The following ATP10A variants were observed in gnomAD, a reference collection of about 807,000 sequenced individuals.
ATP10A encodes the protein phospholipid-transporting ATPase VA.
A neutral mutation model predicts 147.8 loss-of-function variants in ATP10A; 111 were observed. The observed-to-expected ratio is 0.75, with a 90% confidence interval of 0.64 to 0.88. The LOEUF is 0.88. Among genes scored for constraint, ATP10A ranks in the 40% least tolerant of loss-of-function variants. ATP10A has a pLI of 0.00. For synonymous variants in ATP10A, 875 were observed against 841.6 expected (o/e 1.04, Z -0.69); for missense variants, 1,927 against 1,959.0 (o/e 0.98, Z 0.31).
intron 1 of ATP10A, among the ~76,000 whole-genome samples, chr15:25,813,178 C>A (rs1891503916): frequency 6.6e-6 from 1 of 152,132 alleles, no homozygotes; most frequent in Admixed American, 6.5e-5. Flanking sequence ...CAGGGAAAGA[C>A]CCAATGGTAA....
At chr15:25,777,087 GCA>G (rs1889645822) in intron 2 of ATP10A, among the ~76,000 whole-genome samples, 3 of 128,254 alleles carry the variant, frequency 2.3e-5, no homozygotes, top group African/African-American at 6.1e-5. Flanking sequence ...GCGTGTGTGT[GCA>G]TACGTGCGTG....
At chr15:25,744,960 G>C (rs12441954) in intron 2 of ATP10A, among the ~76,000 whole-genome samples, 14,002 of 152,212 alleles carry the variant, frequency 0.092, 1,470 homozygotes, top group East Asian at 0.25. Flanking sequence ...CTTTTAAATA[G>C]GGTCTGTGAA....
chr15:25,714,535 G>A (rs1168023286), intron 9 of ATP10A, among the ~76,000 whole-genome samples: 1 of 151,994 alleles, frequency 6.6e-6, no homozygotes, highest in Non-Finnish European at 1.5e-5. Flanking sequence ...CCTTGAGATC[G>A]TCCGCTGGCC....
chr15:25,794,231 G>C (rs1425503287), intron 1 of ATP10A, among the ~76,000 whole-genome samples: 1 of 152,124 alleles, frequency 6.6e-6, no homozygotes. Context: ...GGCTTCTCTT[G>C]CAACAACTTA....
intron 2 of ATP10A, among the ~76,000 whole-genome samples, chr15:25,760,197 G>C (rs892755896): frequency 6.6e-6 from 1 of 152,112 alleles, no homozygotes; most frequent in Non-Finnish European, 1.5e-5. Flanking sequence ...ACTTCTAAAA[G>C]GAACTGTAAA....
intron 3 of ATP10A, among the ~76,000 whole-genome samples, chr15:25,727,924 G>A (rs2140451468): frequency 6.6e-6 from 1 of 152,316 alleles, no homozygotes; most frequent in East Asian, 1.9e-4. Flanking sequence ...GCAGTCTTGG[G>A]CTAGGACCGC....
At position 25,862,774 on chromosome 15, in the gene ATP10A, G is replaced by A. The variant is rs1475638350; in HGVS notation, c.323C>T (p.Pro108Leu). 1 of 1,611,078 alleles carries A rather than the reference G, an allele frequency of 6.2e-7. No individual in the cohort carries two copies. The highest frequency in any genetic ancestry group is 1.7e-5 in the Admixed American group (1 of 59,794). The change falls in exon 1 of 21, where the codon CCC (proline) becomes CTC (leucine). Residue 108 changes from proline (P) to leucine (L), a missense_variant. Physicochemically the swap from Pro to Leu is moderately conservative, Grantham distance 98. Coordinates refer to ENST00000555815, the MANE Select transcript of ATP10A (RefSeq NM_024490.4). ...NFVPAVNAFQ[P>L]GLALAPVLFI... ...GAGCACCGGCGCCAGTGCCAGGCCGGGCTGGAAGGCGTTCACCGCCGGCAC... is the reference window on the plus strand; with the variant it reads ...GAGCACCGGCGCCAGTGCCAGGCCGAGCTGGAAGGCGTTCACCGCCGGCAC...
At chr15:25,730,226 C>T (rs1443701243) in intron 3 of ATP10A, among the ~76,000 whole-genome samples, 3 of 151,340 alleles carry the variant, frequency 2.0e-5, no homozygotes, top group African/African-American at 7.3e-5. Context: ...CACTTGAACC[C>T]AGGAGGTGGA....
intron 2 of ATP10A, 67 bp from the exon 3 acceptor site, chr15:25,736,208 G>A (rs531825282): frequency 1.4e-5 from 19 of 1,345,966 alleles, no homozygotes; most frequent in African/African-American, 1.1e-4. Flanking sequence ...AAAGGCACTC[G>A]CTTTTCTGTC....
intron 2 of ATP10A, among the ~76,000 whole-genome samples, chr15:25,743,402 T>C (rs572261742): frequency 7.9e-5 from 12 of 152,330 alleles, no homozygotes; most frequent in Admixed American, 3.9e-4. Context: ...ACAGAGATGC[T>C]GGACAGAAAA....
chr15:25,820,905 T>C (rs1156827326), intron 1 of ATP10A, among the ~76,000 whole-genome samples: 1 of 152,180 alleles, frequency 6.6e-6, no homozygotes, highest in Non-Finnish European at 1.5e-5. Context: ...AGGGAAAAGG[T>C]TGATATATTG....
chr15:25,796,342 C>T (rs979879466), intron 1 of ATP10A, among the ~76,000 whole-genome samples: 3 of 152,102 alleles, frequency 2.0e-5, no homozygotes, highest in Non-Finnish European at 4.4e-5. Context: ...GAGGTTGAGG[C>T]TGCAGTGAGC....
intron 18 of ATP10A, 37 bp from the exon 19 acceptor site, chr15:25,680,951 G>A (rs778814293): frequency 1.3e-5 from 21 of 1,612,768 alleles, no homozygotes; most frequent in South Asian, 6.6e-5. Context: ...GTAGGTCCCC[G>A]GATCCAGCTG....
At chr15:25,805,987 T>G (rs1189559382) in intron 1 of ATP10A, among the ~76,000 whole-genome samples, 3 of 152,242 alleles carry the variant, frequency 2.0e-5, no homozygotes, top group Non-Finnish European at 4.4e-5. Flanking sequence ...TTTTTAGCAC[T>G]TTTTATTTTC....
intron 1 of ATP10A, among the ~76,000 whole-genome samples, chr15:25,843,561 C>T (rs958284193): frequency 6.6e-6 from 1 of 152,152 alleles, no homozygotes; most frequent in Non-Finnish European, 1.5e-5. Context: ...ACAGCAAAAG[C>T]AGGCACAGAG....
chr15:25,788,566 C>T (rs141872654), intron 1 of ATP10A, among the ~76,000 whole-genome samples: 1 of 152,348 alleles, frequency 6.6e-6, no homozygotes, highest in Non-Finnish European at 1.5e-5. Context: ...TCTTTTTGAG[C>T]ATGGTTTTTC....
chr15:25,843,646 G>C (rs1410591234), intron 1 of ATP10A, among the ~76,000 whole-genome samples: 1 of 152,112 alleles, frequency 6.6e-6, no homozygotes, highest in East Asian at 1.9e-4. Context: ...CATCTACTCA[G>C]AGTTTATCCA....
intron 13 of ATP10A, among the ~76,000 whole-genome samples, chr15:25,697,533 A>G (rs999594140): frequency 1.3e-5 from 2 of 152,248 alleles, no homozygotes; most frequent in Admixed American, 1.3e-4. Context: ...AAAAGTTCCA[A>G]GAAGTAAGAT....
At chr15:25,726,876 C>G (rs1902593260) in intron 4 of ATP10A, among the ~76,000 whole-genome samples, 1 of 142,720 alleles carries the variant, frequency 7.0e-6, no homozygotes, top group African/African-American at 2.6e-5. Context: ...ACGGTGAAAT[C>G]CCGTATCTAC....
Sources: gnomAD v4.1 joint callset for allele counts (sites outside exome capture counted in the v4.1 genomes callset) on GRCh38, gnomAD v4.1.1 for gene constraint, MANE v1.5 for transcripts, NCBI Gene and HGNC (gene_info 2026-07-23, HGNC 2026-07-21) for gene names.